MUC6: variants seen among roughly 807,000 people sequenced by gnomAD.
The protein encoded by MUC6 is mucin 6, oligomeric mucus/gel-forming (gene/pseudogene), also known as mucin-6.
In MUC6, 188 loss-of-function variants were observed where a neutral mutation model predicts 201.5. The observed-to-expected ratio is 0.93, with a 90% CI of 0.83 to 1.05. The LOEUF is 1.05. Among genes scored for constraint, MUC6 ranks in the 50% least tolerant of loss-of-function variants. The pLI, the probability that MUC6 is intolerant of heterozygous loss-of-function variation, is 0.00. For missense variants in MUC6, 2,706 were observed against 3,256.9 expected, an observed-to-expected ratio of 0.83 and a Z score of 4.12; for synonymous variants, 1,228 against 1,389.4, an observed-to-expected ratio of 0.88 and a Z score of 2.58.
chr11:1,013,621 G>A lies in MUC6; in HGVS notation c.7155C>T (p.Ile2385=). The A allele has an allele frequency of 6.4e-7, 1 of 1,562,594 alleles. No homozygotes were observed. Among genetic ancestry groups the A allele is most frequent in the Non-Finnish European group, 8.7e-7 (1 of 1,154,676 alleles). ...TGCAGCGGGCATCCACCTGCTGGGT[G>A]ATGATGTTGAAGCTGCCGAGAAGTC... is the stretch of plus-strand genomic sequence containing the variant. ...ACISAASFNI[I]TQQVDARCSC... Residue 2385 remains isoleucine (I), a synonymous_variant, in exon 33 of 33, where the codon ATC becomes ATT. Transcript: ENST00000421673.
rs771894348 is a variant in MUC6 at position 1,033,003 on chromosome 11, G to A, written c.115+10C>T. 1 of 1,578,758 alleles carries A rather than the reference G, an allele frequency of 6.3e-7. No individual in the cohort carries two copies. The highest frequency in any genetic ancestry group is 1.1e-5 in the South Asian group (1 of 89,060). On this transcript the variant is annotated intron_variant, in intron 2 of 32. Transcript: ENST00000421673. The surrounding 1 kb of genome is among the most constrained non-coding windows in gnomAD (Gnocchi z 5.6). ...CTGGGCGGCAGGATCAGTGGCCGCT[G>A]TGTTCTTACCTGTCTGTGGAGAGTC... is the stretch of plus-strand genomic sequence containing the variant.
At chr11:1,013,688 C>T (rs1856531916) in intron 32 of MUC6, 55 bp from the exon 33 acceptor site, 1 of 1,518,984 alleles carries the variant, frequency 6.6e-7, no homozygotes, top group Non-Finnish European at 8.9e-7. Flanking sequence ...GCATAAGGCC[C>T]CTCCCTCCCC....
rs754131261 is a variant in MUC6, at chr11:1,025,284, C to T, written c.2883G>A (p.Ala961=). The T allele has an allele frequency of 1.4e-5, 22 of 1,612,742 alleles. No individual in the cohort carries two copies. The highest frequency in any genetic ancestry group is 1.6e-4 in the Middle Eastern group (1 of 6,062). ...TGCTGATGTCCACGACAAGGCTCAGCGCACCCGGCGTCACCCCGAGCTGCA... is the reference window on the plus strand; with the variant it reads ...TGCTGATGTCCACGACAAGGCTCAGTGCACCCGGCGTCACCCCGAGCTGCA... ...PHVQLGVTPG[A]LSLVVDISIP... Residue 961 remains alanine, a synonymous_variant, in exon 23 of 33, where the codon GCG becomes GCA. Coordinates refer to ENST00000421673, the MANE Select transcript of MUC6 (RefSeq NM_005961.3).
intron 31 of MUC6, among the ~76,000 whole-genome samples, chr11:1,014,331 C>T (rs959634381): frequency 2.6e-5 from 4 of 152,214 alleles, no homozygotes; most frequent in Non-Finnish European, 5.9e-5. Context: ...CCCCAGGCCT[C>T]AACACTGACC....
rs368477361 is a variant in MUC6 at position 1,020,296 on chromosome 11, G to A, written c.3641-39C>T. ...CATGCCATCAGGGCTGCAGGGTACC[G>A]GCATATCCTTGGGGAGCACCCTCCC... On this transcript the variant is annotated intron_variant, in intron 28 of 32. Coordinates refer to ENST00000421673, the MANE Select transcript of MUC6 (RefSeq NM_005961.3). 39 of 1,569,212 alleles carry A rather than the reference G, an allele frequency of 2.5e-5. No individual in the cohort carries two copies. In the Admixed American group the frequency reaches 4.4e-4, roughly 18 times the overall value.
intron 32 of MUC6, 107 bp from the exon 33 acceptor site, chr11:1,013,740 T>A: frequency 7.1e-7 from 1 of 1,413,380 alleles, no homozygotes. Context: ...CCCGCTGAGC[T>A]CCCGGCTCAC....
Position 1,025,091 on chromosome 11 carries a change from CGGTGG to C in MUC6, c.2986-13_2986-9del. The C allele has an allele frequency of 6.2e-7, 1 of 1,612,860 alleles. No homozygotes were observed. The highest frequency in any genetic ancestry group is 8.5e-7 in the Non-Finnish European group (1 of 1,179,826). On this transcript the variant is annotated splice_polypyrimidine_tract_variant and intron_variant, in intron 23 of 32. Coordinates refer to ENST00000421673, the MANE Select transcript of MUC6 (RefSeq NM_005961.3). ...CAAGCCGCAGAGGGGATCCTGCAGA[CGGTGG>C]CATCAGGCCGGGCCCAGGGGCCGTG...
rs10902270 is a variant in MUC6, at chr11:1,018,200, T to C, written c.4601A>G (p.His1534Arg). Reference sequence around the variant, plus strand: ...AGTAGAAGTTGGGGTGACTTCAGGATGGTGTGTGGAGGAAGTGTGTGAATG... The same window carrying C: ...AGTAGAAGTTGGGGTGACTTCAGGACGGTGTGTGGAGGAAGTGTGTGAATG... ...SLHSHTSSTHHPEVTPTSTTT... is the reference protein window; with the variant it reads ...SLHSHTSSTHRPEVTPTSTTT... Residue 1534 changes from histidine to arginine, a missense_variant, in exon 31 of 33, where the codon CAT becomes CGT. Physicochemically the swap from His to Arg is conservative, Grantham distance 29. Around this residue, in one of 10 missense-constraint regions of MUC6, gnomAD observed 128 missense variants for 206.5 expected, o/e 0.62. Transcript: ENST00000421673. The C allele has an allele frequency of 6.7e-7, 1 of 1,498,460 alleles. No individual in the cohort carries two copies. The allele number at this position is 1,498,460 out of a possible 1,614,324, so 92.8% of individuals were successfully genotyped here. A position where few individuals can be genotyped will look rare whatever the true frequency, so the allele number is the denominator to read the frequency against.
intron 25 of MUC6, 70 bp downstream of exon 25, chr11:1,023,877 C>T (rs1856884357): frequency 6.4e-7 from 1 of 1,553,170 alleles, no homozygotes; most frequent in Non-Finnish European, 8.7e-7. Context: ...GCAAGGGCAG[C>T]CCTGCGCCGG....
intron 26 of MUC6, among the ~76,000 whole-genome samples, chr11:1,022,432 GC>G (rs556049606): frequency 3.9e-5 from 6 of 152,224 alleles, no homozygotes; most frequent in Middle Eastern, 3.2e-3. Flanking sequence ...GCACAAGGCT[GC>G]TCCTGGCTGC....
intron 25 of MUC6, 140 bp from the exon 26 acceptor site, chr11:1,023,792 G>T: frequency 6.9e-7 from 1 of 1,442,728 alleles, no homozygotes; most frequent in Non-Finnish European, 9.3e-7. Flanking sequence ...CCCCTGGGCA[G>T]CTGGGGGCTG....
At position 1,013,452 on chromosome 11, in the gene MUC6, C is replaced by T. The variant is rs546156793; in HGVS notation, c.*4G>A. On this transcript the variant is annotated 3_prime_UTR_variant, in exon 33 of 33. Transcript: ENST00000421673. ...CAGCCCCAGGAGAGCAGGCAGCGAC[C>T]CTGCTAGTCTCCACAGGCCACAGAG... The T allele has an allele frequency of 1.2e-4, 189 of 1,572,780 alleles. 1 individual carries two copies. Among genetic ancestry groups the T allele is most frequent in the Admixed American group, 3.7e-5 (2 of 54,482 alleles).
intron 25 of MUC6, 114 bp from the exon 26 acceptor site, chr11:1,023,766 C>T (rs925331964): frequency 6.7e-6 from 10 of 1,488,090 alleles, no homozygotes; most frequent in Admixed American, 4.2e-5. Flanking sequence ...AGGTCTGGGC[C>T]CTCTTGGTGA....
chr11:1,030,366 T>TGCCACCCCCCCCCCCCCCCCC, intron 7 of MUC6, 31 bp from the exon 8 acceptor site: 1 of 1,489,596 alleles, frequency 6.7e-7, no homozygotes, highest in Non-Finnish European at 9.1e-7. Flanking sequence ...GGTGAGAGGG[T>TGCCACCCCCCCCCCCCCCCCC]CCCACCCCCC....
intron 2 of MUC6, among the ~76,000 whole-genome samples, chr11:1,032,758 G>A (rs1355665473): frequency 3.3e-5 from 5 of 149,648 alleles, no homozygotes; most frequent in Non-Finnish European, 7.4e-5. Context: ...GTGTGTCTGT[G>A]TAGAGTGTTG....
rs1181708680 is a variant in MUC6, at chr11:1,025,991, G to T, written c.2688+9C>A. On this transcript the variant is annotated intron_variant, in intron 21 of 32. Transcript: ENST00000421673. ...CCCCGGCCCCTGCGGCCTGGCACCC[G>T]ATGGTTACCGTGGCCAGGATGTACT... The T allele has an allele frequency of 6.3e-7, 1 of 1,586,728 alleles. No homozygotes were observed. The highest frequency in any genetic ancestry group is 8.6e-7 in the Non-Finnish European group (1 of 1,166,976).
intron 27 of MUC6, among the ~76,000 whole-genome samples, 180 bp from the exon 28 acceptor site, chr11:1,020,914 C>T (rs1396909744): frequency 6.6e-6 from 1 of 152,160 alleles, no homozygotes; most frequent in Non-Finnish European, 1.5e-5. Flanking sequence ...GATTCCCACT[C>T]TATACCCCAG....
rs768182917 is a variant in MUC6, at chr11:1,018,562, C to T, written c.4239G>A (p.Gly1413=). The T allele has an allele frequency of 2.7e-5, 43 of 1,564,378 alleles. No individual in the cohort carries two copies. The highest frequency in any genetic ancestry group is 1.2e-5 in the South Asian group (1 of 84,770). ...CAGGACCTGTGGAAGGGACGGGACT[C>T]CCCGCCGTAGGCGGGGAGTGTGTGG... is the stretch of plus-strand genomic sequence containing the variant. The part of the protein sequence containing the change: ...PHTTHSPPTA[G]SPVPSTGPVT... The change falls in exon 31 of 33, where the codon GGG becomes GGA. Residue 1413 remains glycine (G), a synonymous_variant. Coordinates refer to ENST00000421673, the MANE Select transcript of MUC6 (RefSeq NM_005961.3).
chr11:1,026,855 G>A (rs1856971429), intron 19 of MUC6, 86 bp downstream of exon 19: 1 of 1,319,320 alleles, frequency 7.6e-7, no homozygotes, highest in Non-Finnish European at 1.0e-6. Flanking sequence ...GCAGAATGCG[G>A]CCAGGTCTCC....
Sources: allele counts gnomAD v4.1 joint callset (sites outside exome capture counted in the v4.1 genomes callset), GRCh38; gene constraint gnomAD v4.1.1; regional missense constraint gnomAD v4.1.1; non-coding constraint Gnocchi (gnomAD v3.1); transcripts MANE v1.5; gene names NCBI Gene and HGNC (gene_info 2026-07-23, HGNC 2026-07-21).